VPS50: variants seen among roughly 807,000 people sequenced by gnomAD.
VPS50 encodes VPS50 subunit of EARP/GARPII complex.
VPS50 carries 70 observed loss-of-function variants against 139.7 expected under a neutral mutation model. The ratio of observed to expected loss-of-function variants is 0.50; its 90% CI spans 0.41 to 0.61. The LOEUF (loss-of-function observed/expected upper bound fraction) is 0.61. Ranked by LOEUF, VPS50 falls within the 20% of genes least tolerant of loss-of-function variation. The probability of loss-of-function intolerance (pLI) is 0.00; values close to 1 mark genes in which losing one functional copy is unlikely to be tolerated. For synonymous variants in VPS50, 365 were observed against 376.7 expected (o/e 0.97, Z 0.36); for missense variants, 921 against 1,133.7 (o/e 0.81, Z 2.69).
At chr7:93,246,213 T>C in intron 2 of VPS50, 2 of 910,928 alleles carry the variant, frequency 2.2e-6, no homozygotes, top group Non-Finnish European at 1.7e-6. Flanking sequence ...TAAAAAAAAG[T>C]CTTTGATCAA....
At chr7:93,292,539 G>C (rs771622133) in intron 13 of VPS50, among the ~76,000 whole-genome samples, 1 of 151,846 alleles carries the variant, frequency 6.6e-6, no homozygotes, top group Non-Finnish European at 1.5e-5. Context: ...TCAGCATTTT[G>C]TTTAATATGG....
chr7:93,247,474 A>ATTTTACAAATATAGGG (rs1795190656), intron 2 of VPS50, among the ~76,000 whole-genome samples: 1 of 151,928 alleles, frequency 6.6e-6, no homozygotes, highest in South Asian at 2.1e-4. Flanking sequence ...TTTGCTTTAT[A>ATTTTACAAATATAGGG]TTTGTAACCC....
intron 25 of VPS50, among the ~76,000 whole-genome samples, chr7:93,352,531 C>T (rs78419795): frequency 0.014 from 2,178 of 152,224 alleles, 23 homozygotes; most frequent in Non-Finnish European, 0.019. Context: ...AAGTTGAACA[C>T]GTCAGTCTTG....
chr7:93,335,492 TG>T (rs1798046164), intron 22 of VPS50, among the ~76,000 whole-genome samples: 1 of 152,202 alleles, frequency 6.6e-6, no homozygotes, highest in African/African-American at 2.4e-5. Context: ...TAACTTGGCT[TG>T]TTTTTTTGGT....
chr7:93,287,275 A>G (rs979425847), intron 12 of VPS50, among the ~76,000 whole-genome samples: 10 of 152,124 alleles, frequency 6.6e-5, no homozygotes, highest in African/African-American at 2.2e-4. Context: ...GAATCAGTTC[A>G]GTGAGAAGAA....
At chr7:93,345,732 G>A (rs1156733521) in intron 23 of VPS50, among the ~76,000 whole-genome samples, 1 of 152,156 alleles carries the variant, frequency 6.6e-6, no homozygotes, top group Non-Finnish European at 1.5e-5. Context: ...AAAACCACAT[G>A]ATTATCTCAA....
chr7:93,260,766 G>A (rs1326923054), intron 9 of VPS50, among the ~76,000 whole-genome samples: 1 of 151,942 alleles, frequency 6.6e-6, no homozygotes, highest in Non-Finnish European at 1.5e-5. Flanking sequence ...CGTGATCTTG[G>A]CTCACTGCAA....
At chr7:93,313,760 TTAAAGTAAAG>T (rs56966603) in intron 20 of VPS50, among the ~76,000 whole-genome samples, 1 of 152,032 alleles carries the variant, frequency 6.6e-6, no homozygotes, top group Non-Finnish European at 1.5e-5. Flanking sequence ...TCAAGACCCT[TTAAAGTAAAG>T]TAAAGTATGG....
intron 9 of VPS50, among the ~76,000 whole-genome samples, chr7:93,267,835 G>T (rs1249860337): frequency 2.6e-5 from 4 of 152,170 alleles, no homozygotes; most frequent in Non-Finnish European, 5.9e-5. Flanking sequence ...TGCACAGTAC[G>T]TATGTCTAAA....
In VPS50 at chr7:93,303,554, A is replaced by T. The variant is rs747334600; in HGVS notation, c.1452+4A>T. On this transcript the variant is annotated splice_donor_region_variant and intron_variant, in intron 17 of 27. Coordinates refer to ENST00000305866, the MANE Select transcript of VPS50 (RefSeq NM_017667.4). ...TTTCAGCATCTTGCAACTTCATGTA[A>T]GTGTTTCTTAAGAACAAAGAAATCT... The T allele has an allele frequency of 7.2e-7, 1 of 1,393,102 alleles. No individual in the cohort carries two copies. The highest frequency in any genetic ancestry group is 1.0e-6 in the Non-Finnish European group (1 of 993,402). 86.3% of individuals were successfully genotyped at this position (1,393,102 alleles called of 1,614,324 possible). A position where few individuals can be genotyped will look rare whatever the true frequency, so the allele number is the denominator to read the frequency against.
intron 9 of VPS50, among the ~76,000 whole-genome samples, chr7:93,267,640 T>C (rs2116869509): frequency 6.6e-6 from 1 of 152,184 alleles, no homozygotes; most frequent in Non-Finnish European, 1.5e-5. Flanking sequence ...AACAGAGTAT[T>C]ATGAAGGTTG....
rs1389500029 is a variant in VPS50, at chr7:93,308,948, T to C, written c.1748+6T>C. On this transcript the variant is annotated splice_donor_region_variant and intron_variant, in intron 19 of 27. Transcript: ENST00000305866. ...GGAGATGGTCCTGTGAAAAGGTGAT[T>C]GTTCTTAAATTGTGTGGTATTTAGC... The C allele has an allele frequency of 7.1e-7, 1 of 1,402,800 alleles. No homozygotes were observed. Among genetic ancestry groups the C allele is most frequent in the African/African-American group, 1.4e-5 (1 of 70,622 alleles). The allele number at this position is 1,402,800 out of a possible 1,614,324, so 86.9% of individuals were successfully genotyped here.
At chr7:93,358,206 A>T in intron 27 of VPS50, 111 bp from the exon 28 acceptor site, 1 of 956,960 alleles carries the variant, frequency 1.0e-6, no homozygotes, top group Non-Finnish European at 1.6e-6. Flanking sequence ...TCACTGGTTT[A>T]TAATGCTCAG....
At chr7:93,269,696 T>G (rs976888164) in intron 9 of VPS50, among the ~76,000 whole-genome samples, 16 of 152,112 alleles carry the variant, frequency 1.1e-4, no homozygotes, top group Non-Finnish European at 1.6e-4. Flanking sequence ...AGGAACCCAT[T>G]ATTGTATGTA....
intron 15 of VPS50, 124 bp downstream of exon 15, chr7:93,296,960 G>A: frequency 7.0e-7 from 1 of 1,435,524 alleles, no homozygotes; most frequent in Non-Finnish European, 9.1e-7. Context: ...TGCTAAGTTT[G>A]TGAGTGTATT....
In VPS50 at chr7:93,360,335, T is replaced by G. The variant is rs1233406072; in HGVS notation, c.*1899T>G. ...CGACCATGCAATCTGACAGACCTTT[T>G]AACCTACCCTTACTTTGCTTTCTCC... On this transcript the variant is annotated 3_prime_UTR_variant, in exon 28 of 28. Transcript: ENST00000305866. 5.9e-5 allele frequency: 9 copies of G among 152,008 alleles called. No individual in the cohort carries two copies. The highest frequency in any genetic ancestry group is 1.2e-4 in the Non-Finnish European group (8 of 67,988). The allele number at this position is 152,008 out of a possible 1,614,324, so 9.4% of individuals were successfully genotyped here. A position where few individuals can be genotyped will look rare whatever the true frequency, so the allele number is the denominator to read the frequency against.
chr7:93,242,564 G>T (rs1190269668), intron 2 of VPS50, among the ~76,000 whole-genome samples: 1 of 151,824 alleles, frequency 6.6e-6, no homozygotes, highest in African/African-American at 2.4e-5. Flanking sequence ...GCTTAGGGGA[G>T]TACTCTTTGA....
chr7:93,269,194 G>A (rs1230569871), intron 9 of VPS50, among the ~76,000 whole-genome samples: 1 of 151,984 alleles, frequency 6.6e-6, no homozygotes, highest in African/African-American at 2.4e-5. Context: ...ATCCTTTTGG[G>A]GGAATTATTT....
intron 2 of VPS50, 104 bp from the exon 3 acceptor site, chr7:93,252,549 C>T (rs934226064): frequency 1.2e-5 from 9 of 758,834 alleles, no homozygotes; most frequent in Non-Finnish European, 1.9e-5. Flanking sequence ...TGGTCAGAAT[C>T]GTTCCAGGTA....
Sources: gnomAD v4.1 joint callset for allele counts (sites outside exome capture counted in the v4.1 genomes callset) on GRCh38, gnomAD v4.1.1 for gene constraint, MANE v1.5 for transcripts, NCBI Gene and HGNC (gene_info 2026-07-23, HGNC 2026-07-21) for gene names.